Variants in NFIB observed in about 807,000 individuals in gnomAD.
NFIB encodes nuclear factor I B.
A neutral mutation model predicts 61.5 loss-of-function variants in NFIB; 11 were observed. That is an observed-to-expected ratio of 0.18 (90% CI 0.11 to 0.30). NFIB has a LOEUF of 0.30. NFIB is among the 10% of genes least tolerant of loss of function. The probability of loss-of-function intolerance (pLI) is 1.00; values close to 1 mark genes in which losing one functional copy is unlikely to be tolerated. For synonymous variants in NFIB, 260 were observed against 216.5 expected, an observed-to-expected ratio of 1.20 and a Z score of -1.76; for missense variants, 471 against 608.9, an observed-to-expected ratio of 0.77 and a Z score of 2.38.
chr9:14,432,015 C>G, the NFIB span, among the ~76,000 whole-genome samples: 2 of 152,160 alleles, frequency 1.3e-5, no homozygotes, highest in Non-Finnish European at 2.9e-5. Flanking sequence ...AGGGAGACAA[C>G]TGAGGTGTCT....
At chr9:14,508,361 C>T in the NFIB span, among the ~76,000 whole-genome samples, 23 of 152,214 alleles carry the variant, frequency 1.5e-4, no homozygotes, top group South Asian at 4.2e-4. Context: ...TGCCGGAAAC[C>T]GCCCACTCCT....
chr9:14,505,664 C>G, the NFIB span, among the ~76,000 whole-genome samples: 1 of 152,080 alleles, frequency 6.6e-6, no homozygotes, highest in African/African-American at 2.4e-5. Flanking sequence ...CCCCCTAACC[C>G]CTTCTGTAGG....
At chr9:14,182,316 G>A (rs548568789) in intron 2 of NFIB, among the ~76,000 whole-genome samples, 122 of 152,232 alleles carry the variant, frequency 8.0e-4, no homozygotes, top group South Asian at 1.7e-3. Flanking sequence ...TCCTTCATAT[G>A]CCAAAGCCCA....
chr9:14,297,962 G>A (rs1468372160), intron 2 of NFIB, among the ~76,000 whole-genome samples: 1 of 151,880 alleles, frequency 6.6e-6, no homozygotes, highest in African/African-American at 2.4e-5. Context: ...TGCACATGAG[G>A]TTTTCATGAA....
intron 2 of NFIB, among the ~76,000 whole-genome samples, chr9:14,266,132 A>T (rs991196428): frequency 6.6e-6 from 1 of 152,128 alleles, no homozygotes; most frequent in Non-Finnish European, 1.5e-5. Flanking sequence ...TAGCCCTCAG[A>T]TTCCCTCAAG....
the NFIB span, among the ~76,000 whole-genome samples, chr9:14,472,036 G>T: frequency 3.2e-4 from 49 of 152,298 alleles, no homozygotes; most frequent in African/African-American, 1.2e-3. Flanking sequence ...TGGCACTCCT[G>T]TAATAGGCAT....
intron 2 of NFIB, among the ~76,000 whole-genome samples, chr9:14,296,342 T>C (rs547408060): frequency 1.3e-5 from 2 of 152,210 alleles, no homozygotes; most frequent in Non-Finnish European, 2.9e-5. Flanking sequence ...GCAAAGCACA[T>C]GGAGCTGAAG....
intron 9 of NFIB, among the ~76,000 whole-genome samples, chr9:14,114,617 G>A (rs946746043): frequency 7.2e-5 from 11 of 152,146 alleles, no homozygotes; most frequent in African/African-American, 2.7e-4. Context: ...AATTTTACTA[G>A]TCAAATCAGA....
intron 2 of NFIB, chr9:14,204,622 G>A (rs1261517221): frequency 6.8e-6 from 5 of 733,110 alleles, no homozygotes; most frequent in Non-Finnish European, 1.2e-5. Flanking sequence ...CGCCGGCAAA[G>A]GGGACCTCCC....
At chr9:14,504,580 T>G in the NFIB span, among the ~76,000 whole-genome samples, 1 of 152,120 alleles carries the variant, frequency 6.6e-6, no homozygotes, top group Admixed American at 6.6e-5. Context: ...ATTTTATTTA[T>G]TTTTTTGCAG....
chr9:14,248,817 C>G (rs1453012108), intron 2 of NFIB, among the ~76,000 whole-genome samples: 2 of 152,186 alleles, frequency 1.3e-5, no homozygotes, highest in Non-Finnish European at 2.9e-5. Flanking sequence ...TTTTCCTCCC[C>G]ACTGGGTTTG....
At chr9:14,101,289 A>G (rs983180737) in intron 10 of NFIB, among the ~76,000 whole-genome samples, 7 of 152,244 alleles carry the variant, frequency 4.6e-5, no homozygotes, top group Non-Finnish European at 1.0e-4. Context: ...GGTTATATCA[A>G]TCTTCAAGAA....
intron 1 of NFIB, among the ~76,000 whole-genome samples, chr9:14,375,531 A>T (rs2061408534): frequency 6.6e-6 from 1 of 152,090 alleles, no homozygotes; most frequent in Non-Finnish European, 1.5e-5. Context: ...GGAGGTGGGC[A>T]CCTGCAATCC....
chr9:14,221,275 T>C (rs2051637199), intron 2 of NFIB, among the ~76,000 whole-genome samples: 1 of 152,194 alleles, frequency 6.6e-6, no homozygotes, highest in South Asian at 2.1e-4. Context: ...TTGCAAATAG[T>C]TACTAAGATG....
At chr9:14,415,728 A>C in the NFIB span, among the ~76,000 whole-genome samples, 2 of 152,344 alleles carry the variant, frequency 1.3e-5, no homozygotes, top group African/African-American at 4.8e-5. Flanking sequence ...CTCCATATGG[A>C]CTGTGGAAAT....
chr9:14,266,896 C>T (rs1444358531), intron 2 of NFIB, among the ~76,000 whole-genome samples: 1 of 152,048 alleles, frequency 6.6e-6, no homozygotes, highest in African/African-American at 2.4e-5. Flanking sequence ...TTTAATTAAT[C>T]AAAAGTTTCA....
Position 14,326,698 on chromosome 9 carries a change from G to GAAAAAAAA in NFIB, c.109-19186_109-19179dup, listed in dbSNP as rs34910775. ...CAAGAGCAGGTTAAAGTGGTTTACA[G>GAAAAAAAA]AAAAAAAAAAAAAAAAAAGCCTGCA... On this transcript the variant is annotated intron_variant, in intron 1 of 8. Transcript: ENST00000380934. Among the ~76,000 whole-genome samples the GAAAAAAAA allele has an allele frequency of 2.4e-5, 3 of 125,472 alleles. 1 individual carries two copies. The highest frequency in any genetic ancestry group is 8.3e-5 in the Admixed American group (1 of 12,086). The allele number at this position is 125,472 out of a possible 152,430, so 82.3% of individuals were successfully genotyped here.
intron 2 of NFIB, among the ~76,000 whole-genome samples, chr9:14,272,231 T>C (rs1174163519): frequency 6.6e-6 from 1 of 152,186 alleles, no homozygotes; most frequent in African/African-American, 2.4e-5. Flanking sequence ...AACTATAGCA[T>C]ACATGTTAAA....
intron 2 of NFIB, among the ~76,000 whole-genome samples, chr9:14,224,496 A>G (rs1367447907): frequency 3.3e-5 from 5 of 152,228 alleles, no homozygotes; most frequent in Admixed American, 2.6e-4. Context: ...AATTCAACCA[A>G]CCATGGAACA....
Sources: allele counts gnomAD v4.1 joint callset (sites outside exome capture counted in the v4.1 genomes callset), GRCh38; gene constraint gnomAD v4.1.1; transcripts MANE v1.5; gene names NCBI Gene and HGNC (gene_info 2026-07-23, HGNC 2026-07-21).